The following WDR59 variants were observed in gnomAD, a reference collection of about 807,000 sequenced individuals.
WDR59 encodes GATOR2 complex protein WDR59.
Under a neutral mutation model 131.2 loss-of-function variants are expected in WDR59, and 100 were observed. The observed-to-expected ratio is 0.76, with a 90% CI of 0.65 to 0.90. WDR59 has a LOEUF of 0.90. WDR59 is among the 40% of genes least tolerant of loss of function. The probability of loss-of-function intolerance (pLI) is 0.00; values close to 1 mark genes in which losing one functional copy is unlikely to be tolerated. For synonymous variants in WDR59, 601 were observed against 466.2 expected (o/e 1.29, Z -3.72); for missense variants, 1,203 against 1,262.2 (o/e 0.95, Z 0.71).
At chr16:74,979,598 T>C (rs1412663702) in intron 1 of WDR59, among the ~76,000 whole-genome samples, 3 of 151,598 alleles carry the variant, frequency 2.0e-5, no homozygotes, top group African/African-American at 7.3e-5. Context: ...TGGAGTGCAG[T>C]GGCACGATCT....
At chr16:74,874,472 A>G (rs1964109118) in intron 25 of WDR59, 28 bp from the exon 26 acceptor site, 4 of 1,604,998 alleles carry the variant, frequency 2.5e-6, no homozygotes, top group Non-Finnish European at 3.4e-6. Context: ...CGGGCAAAAC[A>G]AGAGGCAGCA....
chr16:74,882,220 G>A (rs1964519421), intron 25 of WDR59, among the ~76,000 whole-genome samples: 1 of 152,148 alleles, frequency 6.6e-6, no homozygotes, highest in South Asian at 2.1e-4. Context: ...TGATTCAGGT[G>A]TTTTCCTGAA....
intron 13 of WDR59, among the ~76,000 whole-genome samples, chr16:74,914,976 T>G (rs973856669): frequency 2.0e-5 from 3 of 152,228 alleles, no homozygotes; most frequent in Non-Finnish European, 4.4e-5. Flanking sequence ...GCTTTAAAAC[T>G]CCTTTCTGGA....
intron 21 of WDR59, 34 bp from the exon 22 acceptor site, chr16:74,888,353 A>G: frequency 4.4e-6 from 7 of 1,596,650 alleles, no homozygotes; most frequent in Non-Finnish European, 6.0e-6. Context: ...AAAACAAGTC[A>G]GGAGGAGGGA....
At chr16:74,921,205 T>C (rs1302977034) in intron 10 of WDR59, among the ~76,000 whole-genome samples, 5 of 152,082 alleles carry the variant, frequency 3.3e-5, no homozygotes, top group Non-Finnish European at 7.4e-5. Flanking sequence ...GTACTAAGCC[T>C]AGTACCCAAT....
intron 1 of WDR59, among the ~76,000 whole-genome samples, chr16:74,973,986 A>G (rs1357230258): frequency 6.6e-6 from 1 of 152,132 alleles, no homozygotes; most frequent in African/African-American, 2.4e-5. Context: ...CCTGGCCAAC[A>G]TGGTGAAACC....
intron 1 of WDR59, among the ~76,000 whole-genome samples, chr16:74,982,867 G>C (rs1311983276): frequency 6.6e-6 from 1 of 152,162 alleles, no homozygotes; most frequent in Admixed American, 6.6e-5. Context: ...GCAAAAGACA[G>C]GATGGGGTTT....
At position 74,914,301 on chromosome 16, in the gene WDR59, T is replaced by C. The variant is rs556910286; in HGVS notation, c.1224+1569A>G. ...CTCTCGAAGAAAGGAATCAAGATCT[T>C]AAACTAGATCACTAGGTATCCACAC... On this transcript the variant is annotated intron_variant, in intron 13 of 25. Coordinates refer to ENST00000262144, the MANE Select transcript of WDR59 (RefSeq NM_030581.4). 2.0e-5 allele frequency among the ~76,000 whole-genome samples: 3 copies of C among 152,210 alleles called. No individual in the cohort carries two copies. The South Asian group carries it at 6.2e-4, about 32-fold the overall frequency.
chr16:74,948,658 G>T, intron 5 of WDR59, 102 bp from the exon 6 acceptor site: 1 of 984,962 alleles, frequency 1.0e-6, no homozygotes, highest in Non-Finnish European at 1.6e-6. Context: ...CTTTCAGTGG[G>T]AACTTGGAGT....
chr16:74,979,518 G>A (rs992201691), intron 1 of WDR59, among the ~76,000 whole-genome samples: 5 of 151,146 alleles, frequency 3.3e-5, no homozygotes, highest in Non-Finnish European at 7.4e-5. Context: ...GTGTTGCTCT[G>A]GAAGATTACC....
intron 4 of WDR59, among the ~76,000 whole-genome samples, chr16:74,950,972 G>A (rs1320163079): frequency 3.0e-4 from 44 of 149,062 alleles, no homozygotes; most frequent in African/African-American, 9.9e-5. Context: ...CCTGGCCAAC[G>A]TGGTAAAACC....
At chr16:74,958,900 A>T (rs1378003949) in intron 2 of WDR59, among the ~76,000 whole-genome samples, 2 of 149,088 alleles carry the variant, frequency 1.3e-5, no homozygotes, top group Non-Finnish European at 3.0e-5. Context: ...CCTGACTAAT[A>T]AAAAAAAAAT....
intron 10 of WDR59, among the ~76,000 whole-genome samples, chr16:74,919,080 G>A (rs1261935776): frequency 6.6e-6 from 1 of 152,096 alleles, no homozygotes; most frequent in Non-Finnish European, 1.5e-5. Flanking sequence ...CTTTCTAAAT[G>A]TTATAAATTA....
intron 8 of WDR59, among the ~76,000 whole-genome samples, chr16:74,935,056 C>A (rs2031692528): frequency 6.6e-6 from 1 of 152,064 alleles, no homozygotes; most frequent in East Asian, 1.9e-4. Flanking sequence ...TGGTGAAATT[C>A]CATCTCTACT....
chr16:74,894,296 C>T (rs1453075586), intron 18 of WDR59, among the ~76,000 whole-genome samples: 1 of 152,102 alleles, frequency 6.6e-6, no homozygotes, highest in Non-Finnish European at 1.5e-5. Flanking sequence ...GGTAGGAAAA[C>T]AGAGAAACTT....
At chr16:74,952,235 G>A (rs531834350) in intron 3 of WDR59, among the ~76,000 whole-genome samples, 10 of 151,864 alleles carry the variant, frequency 6.6e-5, no homozygotes, top group African/African-American at 2.4e-4. Context: ...GAGCCCAGGA[G>A]TTCAAGACCA....
chr16:74,942,637 T>G (rs950977049), intron 7 of WDR59, 101 bp downstream of exon 7: 2 of 1,099,456 alleles, frequency 1.8e-6, no homozygotes, highest in African/African-American at 1.5e-5. Context: ...CTGCACAGGG[T>G]TCCCCAGACT....
chr16:74,929,864 T>A (rs2031221638), intron 8 of WDR59, among the ~76,000 whole-genome samples: 2 of 152,124 alleles, frequency 1.3e-5, no homozygotes, highest in East Asian at 3.9e-4. Context: ...AAGAATGCAA[T>A]CCTATCATTT....
At chr16:74,916,906 T>C (rs768041242) in intron 11 of WDR59, among the ~76,000 whole-genome samples, 11 of 151,532 alleles carry the variant, frequency 7.3e-5, no homozygotes, top group Admixed American at 1.3e-4. Context: ...TGGTGCAAAT[T>C]GTACCTTTTG....
Sources: gnomAD v4.1 joint callset for allele counts (sites outside exome capture counted in the v4.1 genomes callset) on GRCh38, gnomAD v4.1.1 for gene constraint, MANE v1.5 for transcripts, NCBI Gene and HGNC (gene_info 2026-07-23, HGNC 2026-07-21) for gene names.